The following CBFB variants were observed in gnomAD, a reference collection of about 807,000 sequenced individuals.
CBFB encodes CBF-beta.
Under a neutral mutation model 30.4 loss-of-function variants are expected in CBFB, and 9 were observed. That is an observed-to-expected ratio of 0.30 (90% confidence interval 0.18 to 0.52). The LOEUF (loss-of-function observed/expected upper bound fraction) is 0.52. Among genes scored for constraint, CBFB ranks in the 20% least tolerant of loss-of-function variants. CBFB has a pLI of 0.97. For missense variants in CBFB, 170 were observed against 244.0 expected, an observed-to-expected ratio of 0.70 and a Z score of 2.02; for synonymous variants, 94 against 84.0, an observed-to-expected ratio of 1.12 and a Z score of -0.65.
chr16:67,032,426 G>A (rs537855793), intron 2 of CBFB, among the ~76,000 whole-genome samples: 2 of 152,312 alleles, frequency 1.3e-5, no homozygotes, highest in African/African-American at 4.8e-5. Context: ...TGTGAGGTTT[G>A]CACTTAAGAC....
intron 3 of CBFB, among the ~76,000 whole-genome samples, chr16:67,057,375 C>G (rs1960761182): frequency 6.6e-6 from 1 of 152,180 alleles, no homozygotes; most frequent in African/African-American, 2.4e-5. Context: ...TGATCATTTA[C>G]CATTATTTAC....
chr16:67,063,556 A>G (rs11641600), intron 3 of CBFB, among the ~76,000 whole-genome samples: 8 of 151,968 alleles, frequency 5.3e-5, no homozygotes, highest in African/African-American at 1.7e-4. Flanking sequence ...ATTATCCTGC[A>G]TCAGCCTCCC....
chr16:67,057,591 T>C (rs1304505090), intron 3 of CBFB, among the ~76,000 whole-genome samples: 2 of 152,234 alleles, frequency 1.3e-5, no homozygotes, highest in African/African-American at 2.4e-5. Flanking sequence ...ATACATGTTA[T>C]TGAAATGTTT....
chr16:67,042,041 G>A (rs1317593648), intron 3 of CBFB, among the ~76,000 whole-genome samples: 2 of 151,718 alleles, frequency 1.3e-5, no homozygotes, highest in Admixed American at 1.3e-4. Flanking sequence ...CTGTGTAGCT[G>A]GGACCACAGC....
At chr16:67,065,164 G>A (rs1158691470) in intron 3 of CBFB, among the ~76,000 whole-genome samples, 2 of 152,060 alleles carry the variant, frequency 1.3e-5, no homozygotes, top group African/African-American at 4.8e-5. Context: ...CTCCCAAAGT[G>A]CCGGGATTAC....
At chr16:67,045,288 G>A (rs1448458583) in intron 3 of CBFB, among the ~76,000 whole-genome samples, 1 of 152,202 alleles carries the variant, frequency 6.6e-6, no homozygotes, top group Non-Finnish European at 1.5e-5. Context: ...GGCCGAGGCA[G>A]GTGGATCACC....
At chr16:67,076,270 TGTA>T (rs1555538425) in intron 4 of CBFB, among the ~76,000 whole-genome samples, 1 of 152,050 alleles carries the variant, frequency 6.6e-6, no homozygotes, top group Non-Finnish European at 1.5e-5. Flanking sequence ...GGCATGCACT[TGTA>T]GTCCTAGTTA....
At position 67,091,796 on chromosome 16, in the gene CBFB, A is replaced by T. The variant is rs143949560; in HGVS notation, c.496-6914A>T. On this transcript the variant is annotated intron_variant, in intron 5 of 5. Coordinates refer to ENST00000412916, the MANE Select transcript of CBFB (RefSeq NM_022845.3). ...CGCAGAATGTGCAGGTTTGTTACAT[A>T]GGTATACCTGTGCCATGGTGGTTTG... is the stretch of plus-strand genomic sequence containing the variant. Among the ~76,000 whole-genome samples the T allele has an allele frequency of 1.1e-3, 170 of 152,238 alleles. 1 individual carries two copies. Among genetic ancestry groups the T allele is most frequent in the African/African-American group, 4.0e-3 (165 of 41,524 alleles).
intron 4 of CBFB, among the ~76,000 whole-genome samples, chr16:67,071,270 C>T (rs755905322): frequency 2.6e-5 from 4 of 152,184 alleles, no homozygotes; most frequent in Admixed American, 2.6e-4. Flanking sequence ...TTGTTTACCC[C>T]ATCCCCAAAT....
intron 5 of CBFB, among the ~76,000 whole-genome samples, chr16:67,084,581 T>C (rs1961666544): frequency 1.3e-5 from 2 of 152,216 alleles, no homozygotes; most frequent in South Asian, 4.1e-4. Context: ...ACAGTGTGAA[T>C]GTACTTAACA....
chr16:67,067,285 C>T (rs972647923), intron 4 of CBFB, among the ~76,000 whole-genome samples: 2 of 150,500 alleles, frequency 1.3e-5, no homozygotes, highest in East Asian at 1.9e-4. Context: ...CTGAGGCAGA[C>T]GGATCACCTG....
At chr16:67,036,518 C>T in intron 2 of CBFB, 121 bp from the exon 3 acceptor site, 12 of 597,710 alleles carry the variant, frequency 2.0e-5, no homozygotes, top group Non-Finnish European at 3.4e-5. Context: ...TTTTTTTTTA[C>T]TTTTAAGTAT....
chr16:67,085,431 A>G (rs1248658602), intron 5 of CBFB, among the ~76,000 whole-genome samples: 2 of 146,536 alleles, frequency 1.4e-5, no homozygotes, highest in African/African-American at 5.1e-5. Flanking sequence ...CAGCCTCCCA[A>G]AGTGCTGGGA....
chr16:67,036,593 T>C (rs2145712892), intron 2 of CBFB, 46 bp from the exon 3 acceptor site: 2 of 1,031,124 alleles, frequency 1.9e-6, no homozygotes, highest in Admixed American at 1.7e-5. Context: ...GCATAATTTA[T>C]GTAATGTCCT....
intron 5 of CBFB, among the ~76,000 whole-genome samples, chr16:67,096,175 C>T (rs906115607): frequency 6.6e-6 from 1 of 151,724 alleles, no homozygotes; most frequent in Non-Finnish European, 1.5e-5. Flanking sequence ...AGCCAGGTGT[C>T]GTGGTGCATG....
intron 4 of CBFB, among the ~76,000 whole-genome samples, chr16:67,072,650 G>C (rs1961259530): frequency 6.6e-6 from 1 of 151,702 alleles, no homozygotes; most frequent in South Asian, 2.1e-4. Flanking sequence ...ATTTTTAGTA[G>C]AGACGGGGTT....
intron 5 of CBFB, among the ~76,000 whole-genome samples, chr16:67,085,403 C>CGG: frequency 6.6e-6 from 1 of 150,768 alleles, no homozygotes; most frequent in East Asian, 2.0e-4. Flanking sequence ...CACCTGACCT[C>CGG]GGGTGATCTA....
At chr16:67,094,862 T>G (rs1293838975) in intron 5 of CBFB, among the ~76,000 whole-genome samples, 2 of 152,194 alleles carry the variant, frequency 1.3e-5, no homozygotes, top group East Asian at 3.8e-4. Flanking sequence ...GTGCTAAAAT[T>G]TAGTCATTGT....
At chr16:67,055,603 G>A (rs1412526035) in intron 3 of CBFB, among the ~76,000 whole-genome samples, 40 of 151,832 alleles carry the variant, frequency 2.6e-4, no homozygotes, top group Non-Finnish European at 2.4e-4. Flanking sequence ...TGATCCATCT[G>A]CCTCGGCCTC....
Sources: gnomAD v4.1 joint callset for allele counts (sites outside exome capture counted in the v4.1 genomes callset) on GRCh38, gnomAD v4.1.1 for gene constraint, MANE v1.5 for transcripts, NCBI Gene and HGNC (gene_info 2026-07-23, HGNC 2026-07-21) for gene names.